Variants in SHC3 observed in about 807,000 individuals in gnomAD.
SHC3 encodes SHC-transforming protein 3.
Under a neutral mutation model 60.4 loss-of-function variants are expected in SHC3, and 15 were observed. The ratio of observed to expected loss-of-function variants is 0.25; its 90% CI spans 0.17 to 0.38. The LOEUF (loss-of-function observed/expected upper bound fraction) is 0.38, where lower values mean the gene tolerates loss of function less well. SHC3 is among the 10% of genes least tolerant of loss of function. The probability of loss-of-function intolerance (pLI) is 1.00; values close to 1 mark genes in which losing one functional copy is unlikely to be tolerated. For missense variants in SHC3, 677 were observed against 786.1 expected, an observed-to-expected ratio of 0.86 and a Z score of 1.66; for synonymous variants, 294 against 325.9, an observed-to-expected ratio of 0.90 and a Z score of 1.05.
chr9:89,175,488 C>T (rs1282539855), intron 1 of SHC3, among the ~76,000 whole-genome samples: 1 of 152,222 alleles, frequency 6.6e-6, no homozygotes, highest in African/African-American at 2.4e-5. Context: ...CTGTATTTTA[C>T]AGTCCCTGTT....
At chr9:89,065,056 C>G (rs892421309) in intron 6 of SHC3, among the ~76,000 whole-genome samples, 19 of 152,110 alleles carry the variant, frequency 1.2e-4, no homozygotes, top group Admixed American at 7.9e-4. Context: ...ATGACTCCCC[C>G]CATCCAGCCT....
chr9:89,071,116 T>C lies in SHC3; in HGVS notation c.783+83A>G. The stretch of plus-strand genomic sequence containing the variant: ...ATCACAATTAACCTTTTTTACAGTG[T>C]CTTGCAAGGCATATTATTGAAGCAG... On this transcript the variant is annotated intron_variant, in intron 5 of 11. Transcript: ENST00000375835. 3 of 1,324,674 alleles carry C rather than the reference T, an allele frequency of 2.3e-6. No individual in the cohort carries two copies. The Admixed American group carries it at 5.4e-5, about 24-fold the overall frequency. 82.1% of individuals were successfully genotyped at this position (1,324,674 alleles called of 1,614,324 possible). A position where few individuals can be genotyped will look rare whatever the true frequency, so the allele number is the denominator to read the frequency against.
intron 7 of SHC3, 52 bp from the exon 8 acceptor site, chr9:89,047,046 A>C (rs751705932): frequency 2.0e-6 from 3 of 1,484,356 alleles, no homozygotes; most frequent in Non-Finnish European, 1.8e-6. Context: ...ACTTGCAGCC[A>C]AAATCAACAA....
At chr9:89,060,683 G>T (rs1330748569) in intron 6 of SHC3, among the ~76,000 whole-genome samples, 2 of 152,024 alleles carry the variant, frequency 1.3e-5, no homozygotes, top group South Asian at 4.2e-4. Context: ...CATTTTATTT[G>T]GAGTGAGCAG....
intron 8 of SHC3, 75 bp from the exon 9 acceptor site, chr9:89,045,908 C>G: frequency 6.8e-7 from 1 of 1,469,216 alleles, no homozygotes; most frequent in Non-Finnish European, 9.5e-7. Context: ...AGCCACAAGA[C>G]AGTCGGCGAG....
intron 2 of SHC3, among the ~76,000 whole-genome samples, chr9:89,092,290 T>C (rs1825633462): frequency 6.6e-6 from 1 of 152,198 alleles, no homozygotes; most frequent in South Asian, 2.1e-4. Flanking sequence ...TTGTTGACTA[T>C]ATTATCATAC....
At chr9:89,018,664 GA>G (rs1301988151) in intron 11 of SHC3, among the ~76,000 whole-genome samples, 2 of 149,296 alleles carry the variant, frequency 1.3e-5, no homozygotes, top group Non-Finnish European at 3.0e-5. Flanking sequence ...AAAAACTCTT[GA>G]TAAAGTAGTT....
chr9:89,042,297 T>A, intron 9 of SHC3, 113 bp from the exon 10 acceptor site: 2 of 1,162,020 alleles, frequency 1.7e-6, no homozygotes, highest in Non-Finnish European at 1.2e-6. Context: ...CTCCTTCGGA[T>A]TCCTATGGGT....
chr9:89,144,212 CTGGTGT>C (rs978385552), intron 1 of SHC3, among the ~76,000 whole-genome samples: 4 of 152,202 alleles, frequency 2.6e-5, no homozygotes, highest in African/African-American at 4.8e-5. Context: ...GGATTCATGC[CTGGTGT>C]GGGGAAGAGT....
intron 11 of SHC3, among the ~76,000 whole-genome samples, chr9:89,029,593 G>A (rs931341754): frequency 2.0e-5 from 3 of 152,272 alleles, no homozygotes; most frequent in African/African-American, 7.2e-5. Context: ...TAGGATACAA[G>A]TCCAAGAGTC....
intron 10 of SHC3, among the ~76,000 whole-genome samples, chr9:89,039,447 C>T (rs1323235549): frequency 6.6e-6 from 1 of 152,116 alleles, no homozygotes; most frequent in Non-Finnish European, 1.5e-5. Flanking sequence ...TGTGGAAGTT[C>T]TTTTTCATCT....
At chr9:89,151,785 G>T (rs896923613) in intron 1 of SHC3, among the ~76,000 whole-genome samples, 15 of 152,078 alleles carry the variant, frequency 9.9e-5, no homozygotes, top group African/African-American at 3.6e-4. Context: ...TAAAAATAAG[G>T]GCTAAAATAA....
intron 6 of SHC3, among the ~76,000 whole-genome samples, 153 bp from the exon 7 acceptor site, chr9:89,052,316 G>A (rs559542000): frequency 2.0e-5 from 3 of 152,162 alleles, no homozygotes; most frequent in Non-Finnish European, 4.4e-5. Flanking sequence ...TTTATCTCCA[G>A]GTAGGGAATC....
At chr9:89,034,940 C>T (rs1053058621) in intron 11 of SHC3, among the ~76,000 whole-genome samples, 9 of 152,166 alleles carry the variant, frequency 5.9e-5, no homozygotes, top group Admixed American at 5.2e-4. Flanking sequence ...TTCTAGCCCT[C>T]CTAGGCTCCT....
chr9:89,176,318 AT>A (rs1278871525), intron 1 of SHC3, among the ~76,000 whole-genome samples: 3 of 152,250 alleles, frequency 2.0e-5, no homozygotes, highest in African/African-American at 7.2e-5. Flanking sequence ...ATTTTGCCAC[AT>A]TTGACCTTTC....
chr9:89,153,709 G>T (rs1262424019), intron 1 of SHC3, among the ~76,000 whole-genome samples: 2 of 152,214 alleles, frequency 1.3e-5, no homozygotes, highest in African/African-American at 4.8e-5. Context: ...AATTTCACTT[G>T]AGCTAAAAGG....
rs141500406 is a variant in SHC3, at chr9:89,060,449, G to A, written c.835+5080C>T. Among the ~76,000 whole-genome samples the A allele has an allele frequency of 6.0e-3, 910 of 152,090 alleles. 5 individuals are homozygous for A. The highest frequency in any genetic ancestry group is 9.8e-3 in the Non-Finnish European group (663 of 67,940). ...GGGAGGTGGCCCTAGAGGCGGCACT[G>A]GAGAAGATACCTGAAGCGAGTCAGG... On this transcript the variant is annotated intron_variant, in intron 6 of 11. Transcript: ENST00000375835.
At chr9:89,018,928 G>A (rs1331183) in intron 11 of SHC3, among the ~76,000 whole-genome samples, 136,494 of 151,580 alleles carry the variant, frequency 0.9, 61,933 homozygotes, top group East Asian at 1. Context: ...ACGTCATGGT[G>A]GGTACCTGTA....
rs1332088533 is a variant in SHC3 at position 89,006,504 on chromosome 9, C to A, written c.*6943G>T. ...TAGAAAGTGGTGAATTGGCAATACG[C>A]CAAGACATAGACTGTTACAGTAATT... is the stretch of plus-strand genomic sequence containing the variant. On this transcript the variant is annotated 3_prime_UTR_variant, in exon 12 of 12. Coordinates refer to ENST00000375835, the MANE Select transcript of SHC3 (RefSeq NM_016848.6). The A allele has an allele frequency of 6.6e-6, 1 of 152,182 alleles. No homozygotes were observed. Among genetic ancestry groups the A allele is most frequent in the African/African-American group, 2.4e-5 (1 of 41,440 alleles). The allele number at this position is 152,182 out of a possible 1,614,324, so 9.4% of individuals were successfully genotyped here.
Sources: allele counts gnomAD v4.1 joint callset (sites outside exome capture counted in the v4.1 genomes callset), GRCh38; gene constraint gnomAD v4.1.1; transcripts MANE v1.5; gene names NCBI Gene and HGNC (gene_info 2026-07-23, HGNC 2026-07-21).